The following ANKRD17 variants were observed in gnomAD, a reference collection of about 807,000 sequenced individuals.
ANKRD17 encodes the protein ankyrin repeat domain-containing protein 17.
In ANKRD17, 19 loss-of-function variants were observed where a neutral mutation model predicts 229.7. That is an observed-to-expected ratio of 0.08 (90% confidence interval 0.06 to 0.12). The LOEUF (loss-of-function observed/expected upper bound fraction) is 0.12, where lower values mean the gene tolerates loss of function less well. Among genes scored for constraint, ANKRD17 ranks in the 10% least tolerant of loss-of-function variants. The probability of loss-of-function intolerance (pLI) is 1.00; values close to 1 mark genes in which losing one functional copy is unlikely to be tolerated. For missense variants in ANKRD17, 2,176 were observed against 3,176.8 expected (o/e 0.68, Z 7.57); for synonymous variants, 1,112 against 1,146.1 (o/e 0.97, Z 0.60).
intron 2 of ANKRD17, among the ~76,000 whole-genome samples, chr4:73,174,093 A>AGAAG (rs71217453): frequency 0.074 from 8,271 of 111,206 alleles, 891 homozygotes; most frequent in African/African-American, 0.22. Context: ...AAGGGAGGGG[A>AGAAG]GAAGGAAGGA....
intron 1 of ANKRD17, among the ~76,000 whole-genome samples, chr4:73,210,730 C>T (rs1238946786): frequency 1.5e-4 from 23 of 151,982 alleles, no homozygotes; most frequent in Non-Finnish European, 5.9e-5. Context: ...AAGTTATCTA[C>T]TACCTGGAGT....
At chr4:73,113,144 C>A (rs569903633) in intron 24 of ANKRD17, 1 of 1,241,016 alleles carries the variant, frequency 8.1e-7, no homozygotes, top group African/African-American at 1.6e-5. Context: ...AATGCCAAAC[C>A]AATTATTTTC....
At position 73,258,568 on chromosome 4, in the gene ANKRD17, TCCGCCGCCGCGGGGGGGCCCGCCACAG is replaced by T; in HGVS notation, c.74_100del (p.Ala25_Ala33del). ...GCTGCCGCCAACGCCGCCGCCGACC[TCCGCCGCCGCGGGGGGGCCCGCCACAG>T]CCGCCACCGCCGGGGGGCTCCCTTC... On this transcript the variant is annotated inframe_deletion, in exon 1 of 34. Coordinates refer to ENST00000358602, the MANE Select transcript of ANKRD17 (RefSeq NM_032217.5). 1 of 1,454,952 alleles carries T rather than the reference TCCGCCGCCGCGGGGGGGCCCGCCACAG, an allele frequency of 6.9e-7. No homozygotes were observed. The highest frequency in any genetic ancestry group is 9.0e-7 in the Non-Finnish European group (1 of 1,115,764). The allele number at this position is 1,454,952 out of a possible 1,614,324, so 90.1% of individuals were successfully genotyped here. A position where few individuals can be genotyped will look rare whatever the true frequency, so the allele number is the denominator to read the frequency against.
chr4:73,216,304 A>T (rs1367988175), intron 1 of ANKRD17, among the ~76,000 whole-genome samples: 1 of 152,114 alleles, frequency 6.6e-6, no homozygotes, highest in African/African-American at 2.4e-5. Flanking sequence ...TTCAACTTTA[A>T]TTTTAATTTT....
At chr4:73,189,315 T>G (rs1207114787) in intron 1 of ANKRD17, among the ~76,000 whole-genome samples, 1 of 152,060 alleles carries the variant, frequency 6.6e-6, no homozygotes, top group Non-Finnish European at 1.5e-5. Flanking sequence ...ATATAATCCT[T>G]TCTTTTTTCT....
intron 2 of ANKRD17, among the ~76,000 whole-genome samples, chr4:73,164,315 G>A (rs543323167): frequency 1.3e-5 from 2 of 152,248 alleles, no homozygotes; most frequent in East Asian, 3.8e-4. Context: ...AAATCTTTAT[G>A]AACTTCTTGT....
chr4:73,222,887 A>C (rs1742045708), intron 1 of ANKRD17: 1 of 1,082,810 alleles, frequency 9.2e-7, no homozygotes, highest in South Asian at 1.4e-5. Flanking sequence ...TCTCTCCTCT[A>C]ATCTATTCAT....
At chr4:73,214,847 TAAAAAAAA>T (rs766995925) in intron 1 of ANKRD17, among the ~76,000 whole-genome samples, 1 of 85,596 alleles carries the variant, frequency 1.2e-5, no homozygotes, top group Non-Finnish European at 2.4e-5. Flanking sequence ...TCGTCTCTAT[TAAAAAAAA>T]AAAAAAAAAA....
chr4:73,255,448 T>G (rs1745372797), intron 1 of ANKRD17, among the ~76,000 whole-genome samples: 1 of 152,220 alleles, frequency 6.6e-6, no homozygotes, highest in South Asian at 2.1e-4. Context: ...TAAAGATCAT[T>G]TTATCTACTT....
At chr4:73,178,252 G>T (rs1187017769) in intron 1 of ANKRD17, among the ~76,000 whole-genome samples, 1 of 152,068 alleles carries the variant, frequency 6.6e-6, no homozygotes, top group Non-Finnish European at 1.5e-5. Context: ...CCATAAAAAT[G>T]ACATTTCATG....
intron 22 of ANKRD17, among the ~76,000 whole-genome samples, chr4:73,116,305 A>C (rs919847077): frequency 2.2e-4 from 33 of 152,230 alleles, no homozygotes; most frequent in Non-Finnish European, 1.3e-4. Context: ...AAGGGCAAAA[A>C]TAATAATTTT....
At chr4:73,121,440 A>G (rs1444677987) in intron 19 of ANKRD17, 177 bp downstream of exon 19, 3 of 712,696 alleles carry the variant, frequency 4.2e-6, no homozygotes, top group Admixed American at 5.7e-5. Context: ...TATTTTTCAA[A>G]CTCTATATCA....
In ANKRD17 at chr4:73,140,269, T is replaced by C. The variant is rs1729433416; in HGVS notation, c.2347A>G (p.Lys783Glu). 6.3e-7 allele frequency: 1 copy of C among 1,595,744 alleles called. No homozygotes were observed. The highest frequency in any genetic ancestry group is 8.5e-7 in the Non-Finnish European group (1 of 1,174,404). ...PIRNKAASKQKSSSHLPANSQ... is the reference protein window; with the variant it reads ...PIRNKAASKQESSSHLPANSQ... ...TTTGCTGGCAAATGGCTGCTGGACT[T>C]TTGTTTAGAAGCAGCTGTGTGAAAA... The change falls in exon 15 of 34, where the codon AAG becomes GAG. Residue 783 changes from lysine to glutamate, a missense_variant. By Grantham distance (56) the Lys-to-Glu change is moderately conservative. This residue lies in a region of ANKRD17 where 275 missense variants were observed against 386.9 expected (regional missense o/e 0.71). Transcript: ENST00000358602.
Position 73,153,929 on chromosome 4 carries a change from C to G in ANKRD17, c.1185G>C (p.Thr395=). Residue 395 remains threonine (T), a synonymous_variant, in exon 6 of 34, where the codon ACG becomes ACC. Transcript: ENST00000358602. ...CACTCTCTTTAAATTCATTAGAATG[C>G]GTATTAATGCCAGCCCCATTTTCTA... is the stretch of plus-strand genomic sequence containing the variant. ...LLLENGAGIN[T]HSNEFKESAL... is the part of the protein sequence containing the mutation. 1.2e-6 allele frequency: 2 copies of G among 1,608,980 alleles called. No individual in the cohort carries two copies. The highest frequency in any genetic ancestry group is 1.7e-6 in the Non-Finnish European group (2 of 1,177,602).
chr4:73,171,002 T>TATAG (rs1733915407), intron 2 of ANKRD17, among the ~76,000 whole-genome samples: 1 of 152,122 alleles, frequency 6.6e-6, no homozygotes, highest in African/African-American at 2.4e-5. Flanking sequence ...ACCTGCTGAC[T>TATAG]ATAGAGCCCT....
intron 24 of ANKRD17, among the ~76,000 whole-genome samples, chr4:73,106,427 T>C (rs1243793399): frequency 6.6e-6 from 1 of 152,030 alleles, no homozygotes; most frequent in Non-Finnish European, 1.5e-5. Flanking sequence ...GATTTAGATA[T>C]ATGAAAGTGA....
At chr4:73,248,515 T>C (rs1450623205) in intron 1 of ANKRD17, among the ~76,000 whole-genome samples, 1 of 151,970 alleles carries the variant, frequency 6.6e-6, no homozygotes, top group Non-Finnish European at 1.5e-5. Flanking sequence ...ACCCTTATAA[T>C]ACCTAGGTAA....
At chr4:73,208,114 G>A (rs1347962159) in intron 1 of ANKRD17, among the ~76,000 whole-genome samples, 25 of 151,526 alleles carry the variant, frequency 1.6e-4, no homozygotes, top group Admixed American at 1.5e-3. Flanking sequence ...GCGTGAGCCC[G>A]GGAGGCGGAG....
Position 73,155,916 on chromosome 4 carries a change from T to C in ANKRD17, c.852+103A>G, listed in dbSNP as rs537963552. 5.8e-4 allele frequency: 864 copies of C among 1,492,228 alleles called. 9 individuals carry two copies. In the South Asian group the frequency reaches 0.011, roughly 19 times the overall value. 92.4% of individuals were successfully genotyped at this position (1,492,228 alleles called of 1,614,324 possible). Reference sequence around the variant, plus strand: ...AAATTTATCTAACAAAACTATTTGTTGAAATAATCCTAATGGTTGGAAGGA... The same window carrying C: ...AAATTTATCTAACAAAACTATTTGTCGAAATAATCCTAATGGTTGGAAGGA... On this transcript the variant is annotated intron_variant, in intron 4 of 33. Coordinates refer to ENST00000358602, the MANE Select transcript of ANKRD17 (RefSeq NM_032217.5).
Sources: gnomAD v4.1 joint callset for allele counts (sites outside exome capture counted in the v4.1 genomes callset) on GRCh38, gnomAD v4.1.1 for gene constraint, gnomAD v4.1.1 regional missense constraint, MANE v1.5 for transcripts, NCBI Gene and HGNC (gene_info 2026-07-23, HGNC 2026-07-21) for gene names.